The following IQGAP1 variants were observed in gnomAD, a reference collection of about 807,000 sequenced individuals.
The protein encoded by IQGAP1 is IQ motif containing GTPase activating protein 1.
A neutral mutation model predicts 215.6 loss-of-function variants in IQGAP1; 66 were observed. That is an observed-to-expected ratio of 0.31 (90% CI 0.25 to 0.38). The LOEUF is 0.38. IQGAP1 is among the 10% of genes least tolerant of loss of function. IQGAP1 has a pLI of 1.00. For synonymous variants in IQGAP1, 772 were observed against 728.7 expected (o/e 1.06, Z -0.96); for missense variants, 1,712 against 1,997.1 (o/e 0.86, Z 2.72).
chr15:90,456,132 T>C lies in IQGAP1; in HGVS notation c.1613-20T>C. 2 of 1,601,636 alleles carry C rather than the reference T, an allele frequency of 1.2e-6. No individual in the cohort carries two copies. Among genetic ancestry groups the C allele is most frequent in the Non-Finnish European group, 8.5e-7 (1 of 1,175,426 alleles). On this transcript the variant is annotated intron_variant, in intron 14 of 37. Coordinates refer to ENST00000268182, the MANE Select transcript of IQGAP1 (RefSeq NM_003870.4). ...CTTCCTTAATTAGAAAAAAAAAACT[T>C]TCTGTCTCTTTATATTTAGGGATTT...
intron 15 of IQGAP1, among the ~76,000 whole-genome samples, chr15:90,465,217 G>A (rs1040854801): frequency 6.6e-6 from 1 of 152,240 alleles, no homozygotes; most frequent in Admixed American, 6.5e-5. Flanking sequence ...GGCTTTAAAT[G>A]TGATGAGTCA....
At chr15:90,424,905 A>G (rs1306512333) in intron 2 of IQGAP1, among the ~76,000 whole-genome samples, 1 of 152,114 alleles carries the variant, frequency 6.6e-6, no homozygotes. Flanking sequence ...CCTAGAGTCA[A>G]TGAAGTCTCT....
rs557393343 is a variant in IQGAP1, at chr15:90,460,665, A to G, written c.1776+4350A>G. On this transcript the variant is annotated intron_variant, in intron 15 of 37. Transcript: ENST00000268182. The stretch of plus-strand genomic sequence containing the variant: ...AGTTTCAGCTGTTTTTCTTGAATGC[A>G]TTCTCCAATTTCTGCAAGCCTTTGG... Among the ~76,000 whole-genome samples the G allele has an allele frequency of 1.5e-3, 234 of 152,222 alleles. 1 individual carries two copies. Among genetic ancestry groups the G allele is most frequent in the South Asian group, 3.3e-3 (16 of 4,822 alleles).
chr15:90,418,725 G>A (rs1477223458), intron 2 of IQGAP1, among the ~76,000 whole-genome samples: 1 of 152,196 alleles, frequency 6.6e-6, no homozygotes, highest in Non-Finnish European at 1.5e-5. Flanking sequence ...GGTTGTTAAT[G>A]AGGTTATATA....
chr15:90,470,176 A>G (rs1965886311), intron 18 of IQGAP1, among the ~76,000 whole-genome samples: 1 of 152,160 alleles, frequency 6.6e-6, no homozygotes, highest in Non-Finnish European at 1.5e-5. Flanking sequence ...AGTGGCGATC[A>G]CATATAGATC....
At chr15:90,414,441 C>G (rs930062134) in intron 2 of IQGAP1, among the ~76,000 whole-genome samples, 2 of 152,192 alleles carry the variant, frequency 1.3e-5, no homozygotes, top group Non-Finnish European at 2.9e-5. Flanking sequence ...TGTCACCACT[C>G]CACTAAGACT....
intron 1 of IQGAP1, among the ~76,000 whole-genome samples, chr15:90,389,790 TAAAAAA>T (rs559734539): frequency 7.4e-6 from 1 of 134,894 alleles, no homozygotes; most frequent in Non-Finnish European, 1.6e-5. Context: ...CTCCATCTCT[TAAAAAA>T]AAAAAAAAAA....
chr15:90,467,582 A>C lies in IQGAP1; in HGVS notation c.2168A>C (p.Glu723Ala). 1.2e-6 allele frequency: 2 copies of C among 1,610,232 alleles called. No individual in the cohort carries two copies. Among genetic ancestry groups the C allele is most frequent in the Non-Finnish European group, 1.7e-6 (2 of 1,178,832 alleles). Residue 723 changes from glutamate to alanine, a missense_variant, in exon 18 of 38, where the codon GAG (glutamate) becomes GCG (alanine). Glu to Ala is a moderately radical substitution (Grantham distance 107). Around this residue, in one of 2 missense-constraint regions of IQGAP1, gnomAD observed 1,021 missense variants for 1,074.2 expected, o/e 0.95. Coordinates refer to ENST00000268182, the MANE Select transcript of IQGAP1 (RefSeq NM_003870.4). ...FVQNSMQLSR[E>A]EIQSSISGVT... ...CAAAATTCTATGCAGCTTTCTCGGG[A>C]GGAGATCCAGGTAGGTTACCTTTCT... is the stretch of plus-strand genomic sequence containing the variant.
At position 90,494,781 on chromosome 15, in the gene IQGAP1, C is replaced by T. The variant is rs1252687242; in HGVS notation, c.4697C>T (p.Ala1566Val). Reference sequence around the variant, plus strand: ...AAGATTTCTCTGAAATATACAGCAGCAAGACTACATGAAAAAGGAGTTCTT... The same window carrying T: ...AAGATTTCTCTGAAATATACAGCAGTAAGACTACATGAAAAAGGAGTTCTT... ...SKKISLKYTA[A>V]RLHEKGVLLE... Residue 1566 changes from alanine to valine, a missense_variant, in exon 36 of 38, where the codon GCA becomes GTA. Around this residue, in one of 2 missense-constraint regions of IQGAP1, gnomAD observed 691 missense variants for 923.0 expected, o/e 0.75. Transcript: ENST00000268182. 1 of 1,606,754 alleles carries T rather than the reference C, an allele frequency of 6.2e-7. No homozygotes were observed. Among genetic ancestry groups the T allele is most frequent in the Non-Finnish European group, 8.5e-7 (1 of 1,174,506 alleles).
At chr15:90,459,342 C>T (rs1965730142) in intron 15 of IQGAP1, among the ~76,000 whole-genome samples, 1 of 152,170 alleles carries the variant, frequency 6.6e-6, no homozygotes, top group African/African-American at 2.4e-5. Context: ...GTAAGACAAA[C>T]ATTTTAAAAG....
At chr15:90,439,647 A>T (rs2151018720) in intron 6 of IQGAP1, among the ~76,000 whole-genome samples, 1 of 151,580 alleles carries the variant, frequency 6.6e-6, no homozygotes, top group East Asian at 1.9e-4. Context: ...TAAATTGGGG[A>T]TAACATTAAC....
intron 9 of IQGAP1, among the ~76,000 whole-genome samples, chr15:90,446,457 G>A (rs1965529213): frequency 6.6e-6 from 1 of 152,184 alleles, no homozygotes; most frequent in Non-Finnish European, 1.5e-5. Flanking sequence ...ATGTGGTGCA[G>A]TCATAGAATA....
chr15:90,439,180 CGTATT>C, intron 5 of IQGAP1, 147 bp from the exon 6 acceptor site: 1 of 416,636 alleles, frequency 2.4e-6, no homozygotes, highest in Non-Finnish European at 4.3e-6. Context: ...AGGTAAATAG[CGTATT>C]GTAACTACAA....
intron 33 of IQGAP1, among the ~76,000 whole-genome samples, chr15:90,487,925 A>C (rs1966150520): frequency 6.6e-6 from 1 of 152,114 alleles, no homozygotes; most frequent in Non-Finnish European, 1.5e-5. Context: ...CCCTTATATA[A>C]AATGGTGTAG....
At chr15:90,486,558 T>TA (rs1491270245) in intron 31 of IQGAP1, 1,995 of 166,532 alleles carry the variant, frequency 0.012, 36 homozygotes, top group African/African-American at 0.061. Flanking sequence ...CCTCCTGAGT[T>TA]GTTTTTTTTT....
intron 3 of IQGAP1, 93 bp downstream of exon 3, chr15:90,426,359 A>G: frequency 2.1e-6 from 3 of 1,400,940 alleles, no homozygotes; most frequent in South Asian, 2.7e-5. Context: ...AAGTCTGTGT[A>G]AGGTGTGTTT....
At position 90,467,618 on chromosome 15, in the gene IQGAP1, A is replaced by C. The variant is rs760185287; in HGVS notation, c.2178+26A>C. 2.5e-6 allele frequency: 4 copies of C among 1,587,506 alleles called. No homozygotes were observed. In the East Asian group the frequency reaches 9.0e-5, roughly 36 times the overall value. ...GTAGGTTACCTTTCTTCACGTAAGA[A>C]GAAGCTGAGAGAAAGTGTTTTCAAG... On this transcript the variant is annotated intron_variant, in intron 18 of 37. Coordinates refer to ENST00000268182, the MANE Select transcript of IQGAP1 (RefSeq NM_003870.4).
intron 15 of IQGAP1, among the ~76,000 whole-genome samples, chr15:90,457,111 A>G (rs1245188990): frequency 6.6e-6 from 1 of 151,886 alleles, no homozygotes; most frequent in African/African-American, 2.4e-5. Flanking sequence ...CCAGCACCAC[A>G]GAGACCTTCC....
At chr15:90,479,519 C>T (rs1966026273) in intron 26 of IQGAP1, among the ~76,000 whole-genome samples, 1 of 149,722 alleles carries the variant, frequency 6.7e-6, no homozygotes, top group African/African-American at 2.5e-5. Context: ...GGGAGGATTG[C>T]TTGAGCTCAG....
Sources: allele counts gnomAD v4.1 joint callset (sites outside exome capture counted in the v4.1 genomes callset), GRCh38; gene constraint gnomAD v4.1.1; regional missense constraint gnomAD v4.1.1; transcripts MANE v1.5; gene names NCBI Gene and HGNC (gene_info 2026-07-23, HGNC 2026-07-21).